Variants in SLC2A9 observed in about 807,000 individuals in gnomAD.
SLC2A9 encodes solute carrier family 2, facilitated glucose transporter member 9.
In SLC2A9, 39 loss-of-function variants were observed where a neutral mutation model predicts 50.6. That is an observed-to-expected ratio of 0.77 (90% CI 0.60 to 1.01). The LOEUF is 1.01. Ranked by LOEUF, SLC2A9 falls within the 50% of genes least tolerant of loss-of-function variation. The pLI is 0.00. For missense variants in SLC2A9, 686 were observed against 677.6 expected (o/e 1.01, Z -0.14); for synonymous variants, 324 against 276.9 (o/e 1.17, Z -1.69).
intron 5 of SLC2A9, among the ~76,000 whole-genome samples, chr4:9,979,623 C>T (rs1474354949): frequency 6.6e-6 from 1 of 152,040 alleles, no homozygotes; most frequent in Admixed American, 6.5e-5. Flanking sequence ...AGCAGCAGCC[C>T]TCTGCCTCTC....
At chr4:9,902,424 G>A (rs1739809399) in intron 8 of SLC2A9, among the ~76,000 whole-genome samples, 1 of 152,220 alleles carries the variant, frequency 6.6e-6, no homozygotes, top group South Asian at 2.1e-4. Context: ...GGCAGCTTCG[G>A]CATTTTCCAT....
At chr4:9,804,814 G>A (rs113723750) in intron 3 of SLC2A9, among the ~76,000 whole-genome samples, 2 of 152,136 alleles carry the variant, frequency 1.3e-5, no homozygotes, top group African/African-American at 4.8e-5. Context: ...ACTTTGTTAG[G>A]GTAGAGTCCA....
chr4:9,920,652 G>A, intron 6 of SLC2A9, 80 bp from the exon 7 acceptor site: 1 of 1,552,168 alleles, frequency 6.4e-7, no homozygotes, highest in South Asian at 1.1e-5. Flanking sequence ...GCAGGGACGG[G>A]TCCCACCTCC....
At chr4:9,802,555 T>C (rs1025117285) in intron 3 of SLC2A9, among the ~76,000 whole-genome samples, 30 of 131,096 alleles carry the variant, frequency 2.3e-4, no homozygotes, top group Middle Eastern at 4.1e-3. Flanking sequence ...TTTTTTGTTC[T>C]TTTCTTTTTT....
intron 5 of SLC2A9, among the ~76,000 whole-genome samples, chr4:9,969,199 ATCT>A (rs1339601163): frequency 9.2e-5 from 14 of 152,116 alleles, no homozygotes; most frequent in African/African-American, 3.4e-4. Context: ...GTGATACTAG[ATCT>A]TCTTTCAGTT....
At chr4:9,991,579 A>AT (rs1002208088) in intron 3 of SLC2A9, among the ~76,000 whole-genome samples, 5 of 152,164 alleles carry the variant, frequency 3.3e-5, no homozygotes, top group Admixed American at 6.6e-5. Flanking sequence ...AGAGATTTGG[A>AT]TTTTTTTAAG....
At chr4:9,853,936 A>T (rs11931553) in intron 10 of SLC2A9, among the ~76,000 whole-genome samples, 24,173 of 152,092 alleles carry the variant, frequency 0.16, 2,628 homozygotes, top group African/African-American at 0.3. Flanking sequence ...AAAGAAATTG[A>T]TTGAAATTAA....
intron 10 of SLC2A9, among the ~76,000 whole-genome samples, chr4:9,883,065 G>C (rs1735510697): frequency 6.6e-6 from 1 of 152,008 alleles, no homozygotes; most frequent in South Asian, 2.1e-4. Flanking sequence ...GTCCTTTTTA[G>C]AGCCCTCATA....
chr4:9,914,691 C>T (rs1021122305), intron 7 of SLC2A9, among the ~76,000 whole-genome samples: 1 of 152,054 alleles, frequency 6.6e-6, no homozygotes, highest in African/African-American at 2.4e-5. Flanking sequence ...AGGGATTTGA[C>T]CCCAGCAATT....
chr4:9,883,150 C>T (rs1179313615), intron 10 of SLC2A9, among the ~76,000 whole-genome samples: 1 of 151,922 alleles, frequency 6.6e-6, no homozygotes, highest in Non-Finnish European at 1.5e-5. Flanking sequence ...CACACACACA[C>T]ACACACATAC....
At chr4:10,031,162 A>T (rs1186323754) in intron 1 of SLC2A9, among the ~76,000 whole-genome samples, 1 of 152,248 alleles carries the variant, frequency 6.6e-6, no homozygotes, top group Non-Finnish European at 1.5e-5. Context: ...GTCACTCTGC[A>T]GACAGTCCAG....
chr4:9,840,484 A>G (rs1368900276), intron 10 of SLC2A9, among the ~76,000 whole-genome samples: 1 of 152,190 alleles, frequency 6.6e-6, no homozygotes, highest in East Asian at 1.9e-4. Context: ...ACTTTCATGA[A>G]TAATATTTGC....
At chr4:10,029,818 T>C (rs1312517745) in intron 1 of SLC2A9, among the ~76,000 whole-genome samples, 2 of 151,860 alleles carry the variant, frequency 1.3e-5, no homozygotes, top group African/African-American at 4.8e-5. Context: ...TTTTTTTTAG[T>C]AGAGATGGGG....
chr4:9,975,903 A>G (rs928438790), intron 5 of SLC2A9, among the ~76,000 whole-genome samples: 2 of 152,258 alleles, frequency 1.3e-5, no homozygotes, highest in Non-Finnish European at 2.9e-5. Context: ...ACACCGTAGA[A>G]TACTATGCAG....
At chr4:9,852,928 T>C (rs1730187248) in intron 10 of SLC2A9, among the ~76,000 whole-genome samples, 1 of 152,134 alleles carries the variant, frequency 6.6e-6, no homozygotes. Flanking sequence ...TGGTGGCTCA[T>C]GCTTGTAATC....
chr4:9,979,291 G>A (rs577283429), intron 5 of SLC2A9, among the ~76,000 whole-genome samples: 49 of 152,260 alleles, frequency 3.2e-4, no homozygotes, highest in African/African-American at 1.2e-3. Flanking sequence ...CATAACAAAT[G>A]AGTCTTTTAC....
intron 11 of SLC2A9, among the ~76,000 whole-genome samples, chr4:9,830,016 T>C (rs1281369850): frequency 6.6e-6 from 1 of 152,244 alleles, no homozygotes; most frequent in Non-Finnish European, 1.5e-5. Flanking sequence ...TTACTGGGTA[T>C]CTACCCAAAG....
At chr4:9,794,597 G>T (rs1331071697), downstream of SLC2A9, among the ~76,000 whole-genome samples, 1 of 152,226 alleles carries the variant, frequency 6.6e-6, no homozygotes, top group Non-Finnish European at 1.5e-5. Flanking sequence ...ACCTATGCTT[G>T]TCTGGCTAGG....
rs113160751 is a variant in SLC2A9 at position 10,001,356 on chromosome 4, T to A, written c.250-4415A>T. ...ATAGACAGGCACAGGAGGAAGATGA[T>A]GTAAACAGGCATGGGGAGAAGATGG... is the stretch of plus-strand genomic sequence containing the variant. On this transcript the variant is annotated intron_variant, in intron 2 of 11. Transcript: ENST00000264784. Among the ~76,000 whole-genome samples, 419 of 152,202 alleles carry A rather than the reference T, an allele frequency of 2.8e-3. 2 individuals carry two copies. Among genetic ancestry groups the A allele is most frequent in the African/African-American group, 9.3e-3 (388 of 41,520 alleles).
Sources: allele counts gnomAD v4.1 joint callset (sites outside exome capture counted in the v4.1 genomes callset), GRCh38; gene constraint gnomAD v4.1.1; transcripts MANE v1.5; gene names NCBI Gene and HGNC (gene_info 2026-07-23, HGNC 2026-07-21).